Variants in ATP11C observed in about 807,000 individuals in gnomAD.
ATP11C encodes ATPase phospholipid transporting 11C (ATP11C blood group).
Under a neutral mutation model 97.4 loss-of-function variants are expected in ATP11C, and 36 were observed. The observed-to-expected ratio is 0.37, with a 90% confidence interval of 0.28 to 0.49. The LOEUF (loss-of-function observed/expected upper bound fraction) is 0.49, where lower values mean the gene tolerates loss of function less well. Among genes scored for constraint, ATP11C ranks in the 20% least tolerant of loss-of-function variants. The probability of loss-of-function intolerance (pLI) is 0.98; values close to 1 mark genes in which losing one functional copy is unlikely to be tolerated. For missense variants in ATP11C, 730 were observed against 824.6 expected (o/e 0.89, Z 1.40); for synonymous variants, 275 against 290.9 (o/e 0.95, Z 0.56).
Position 139,901,727 on chromosome X carries a change from C to T in ATP11C, c.27+30289G>A, listed in dbSNP as rs1344715788. ...AGACCAAGGAACACACTGTACAGCCCACAAAGTCCAACAATGAGTAGCAAG... is the reference window on the plus strand; with the variant it reads ...AGACCAAGGAACACACTGTACAGCCTACAAAGTCCAACAATGAGTAGCAAG... On this transcript the variant is annotated intron_variant, in intron 1 of 29. Coordinates refer to ENST00000682941, the MANE Select transcript of ATP11C (RefSeq NM_001353812.2). 2.7e-5 allele frequency among the ~76,000 whole-genome samples: 3 copies of T among 111,632 alleles called. No homozygotes were observed. The Admixed American group carries it at 2.9e-4, about 11-fold the overall frequency.
chrX:139,773,098 T>C (rs2148697740), intron 19 of ATP11C, among the ~76,000 whole-genome samples: 1 of 111,175 alleles, frequency 9.0e-6, no homozygotes, highest in East Asian at 2.8e-4. Flanking sequence ...TCCTATGCTG[T>C]TCTCATTATA....
At chrX:139,800,134 A>T in intron 7 of ATP11C, 24 bp from the exon 8 acceptor site, 1 of 1,116,960 alleles carries the variant, frequency 9.0e-7, no homozygotes, top group Non-Finnish European at 1.2e-6. Flanking sequence ...AAAATTGCAA[A>T]TGTGTTTTCT....
At chrX:139,777,868 CTTTTT>C (rs1192745818) in intron 18 of ATP11C, among the ~76,000 whole-genome samples, 21 of 103,552 alleles carry the variant, frequency 2.0e-4, no homozygotes, top group African/African-American at 7.0e-4. Flanking sequence ...GTAGTTTGGC[CTTTTT>C]TTTTTTAAGA....
At chrX:139,843,279 G>A (rs1263016302) in intron 1 of ATP11C, among the ~76,000 whole-genome samples, 2 of 111,924 alleles carry the variant, frequency 1.8e-5, no homozygotes, top group African/African-American at 6.5e-5. Flanking sequence ...TGCAGATGAA[G>A]AATTCTATAG....
chrX:139,856,048 C>G (rs998474232), intron 1 of ATP11C, among the ~76,000 whole-genome samples: 1 of 112,420 alleles, frequency 8.9e-6, no homozygotes, highest in Non-Finnish European at 1.9e-5. Flanking sequence ...GACAGGATAC[C>G]AAGATGCAAA....
intron 7 of ATP11C, among the ~76,000 whole-genome samples, chrX:139,801,666 G>A (rs1387183730): frequency 1.8e-5 from 2 of 111,459 alleles, no homozygotes; most frequent in Non-Finnish European, 3.8e-5. Flanking sequence ...GAAATCAAAC[G>A]CCAATTTTTG....
At chrX:139,906,868 A>C (rs980176149) in intron 1 of ATP11C, among the ~76,000 whole-genome samples, 2 of 111,318 alleles carry the variant, frequency 1.8e-5, no homozygotes, top group Admixed American at 1.9e-4. Context: ...TATGTGGCAC[A>C]ATGGTGTCTT....
intron 1 of ATP11C, among the ~76,000 whole-genome samples, chrX:139,848,016 G>A (rs2083935504): frequency 9.0e-6 from 1 of 110,963 alleles, no homozygotes. Context: ...CTCCTTGGAC[G>A]TGTGCCTTCA....
chrX:139,771,454 T>C (rs2082253277), intron 19 of ATP11C, among the ~76,000 whole-genome samples: 1 of 111,537 alleles, frequency 9.0e-6, no homozygotes, highest in Non-Finnish European at 1.9e-5. Flanking sequence ...TAACCAAAAC[T>C]GTGGACGCAA....
chrX:139,826,721 T>C lies in ATP11C; in HGVS notation c.130A>G (p.Arg44Gly). 1 of 1,206,538 alleles carries C rather than the reference T, an allele frequency of 8.3e-7. No homozygotes were observed. The highest frequency in any genetic ancestry group is 1.1e-6 in the Non-Finnish European group (1 of 891,472). Reference protein sequence around the residue: ...AYIAQRFCDNRIVSSKYTLWN... With the variant: ...AYIAQRFCDNGIVSSKYTLWN... ...AAACTTACCTTAGATGAGACTATTC[T>C]ATTATCACAAAATCTTTGTGCAATG... The change falls in exon 2 of 30, where the codon AGA becomes GGA. Residue 44 changes from arginine (R) to glycine (G), a missense_variant. Coordinates refer to ENST00000682941, the MANE Select transcript of ATP11C (RefSeq NM_001353812.2).
Position 139,928,419 on chromosome X carries a change from GA to G in ATP11C, c.27+3596del, listed in dbSNP as rs1170534571. On this transcript the variant is annotated intron_variant, in intron 1 of 29. Transcript: ENST00000682941. ...CCAGGATTATTAGTAAAGTGAAACAGAAAAAAAAAAATGTTTAATTACTCTG... is the reference window on the plus strand; with the variant it reads ...CCAGGATTATTAGTAAAGTGAAACAGAAAAAAAAAATGTTTAATTACTCTG... Among the ~76,000 whole-genome samples the G allele has an allele frequency of 3.1e-3, 320 of 103,021 alleles. 1 individual carries two copies. Among genetic ancestry groups the G allele is most frequent in the African/African-American group, 0.01 (292 of 28,580 alleles). 89.5% of individuals were successfully genotyped at this position (103,021 alleles called of 115,157 possible). A position where few individuals can be genotyped will look rare whatever the true frequency, so the allele number is the denominator to read the frequency against.
chrX:139,778,223 AT>A (rs771079107), intron 18 of ATP11C, among the ~76,000 whole-genome samples: 1 of 111,675 alleles, frequency 9.0e-6, no homozygotes, highest in South Asian at 3.8e-4. Context: ...AGCTTCTTAA[AT>A]TAAGGAAAAA....
At chrX:139,891,786 G>A (rs1381711739) in intron 1 of ATP11C, among the ~76,000 whole-genome samples, 1 of 112,108 alleles carries the variant, frequency 8.9e-6, no homozygotes, top group Non-Finnish European at 1.9e-5. Context: ...TCCATCTGAT[G>A]GAAAGTTGAA....
At chrX:139,917,107 A>G (rs746504558) in intron 1 of ATP11C, among the ~76,000 whole-genome samples, 2 of 111,742 alleles carry the variant, frequency 1.8e-5, no homozygotes, top group Non-Finnish European at 3.8e-5. Context: ...GGACATCAAC[A>G]TGCAAAAGAA....
At chrX:139,821,721 C>G (rs2083412322) in intron 2 of ATP11C, among the ~76,000 whole-genome samples, 1 of 111,840 alleles carries the variant, frequency 8.9e-6, no homozygotes, top group South Asian at 3.7e-4. Flanking sequence ...GTCATGAGCT[C>G]TTAAGAGATC....
chrX:139,756,082 C>T (rs914653975), intron 23 of ATP11C, among the ~76,000 whole-genome samples: 3 of 112,204 alleles, frequency 2.7e-5, no homozygotes, highest in Middle Eastern at 4.6e-3. Flanking sequence ...ATGAATGTGA[C>T]AAATATGTAA....
intron 29 of ATP11C, among the ~76,000 whole-genome samples, chrX:139,729,466 G>T (rs905070902): frequency 1.8e-5 from 2 of 111,731 alleles, no homozygotes; most frequent in Non-Finnish European, 3.8e-5. Flanking sequence ...GAAGATTATT[G>T]TGAAAATATT....
chrX:139,752,210 A>C (rs2081835829), intron 23 of ATP11C, among the ~76,000 whole-genome samples: 1 of 110,409 alleles, frequency 9.1e-6, no homozygotes, highest in Non-Finnish European at 1.9e-5. Context: ...TCCCAGTCAC[A>C]CTCTATCCCT....
At chrX:139,877,411 T>C (rs1282087141) in intron 1 of ATP11C, among the ~76,000 whole-genome samples, 5 of 111,934 alleles carry the variant, frequency 4.5e-5, no homozygotes, top group Non-Finnish European at 7.5e-5. Context: ...AGCCGTAAGC[T>C]AAATAATATA....
Sources: gnomAD v4.1 joint callset for allele counts (sites outside exome capture counted in the v4.1 genomes callset) on GRCh38, gnomAD v4.1.1 for gene constraint, MANE v1.5 for transcripts, NCBI Gene and HGNC (gene_info 2026-07-23, HGNC 2026-07-21) for gene names.